Variants in PACSIN2 observed in about 807,000 individuals in gnomAD.
PACSIN2 encodes protein kinase C and casein kinase substrate in neurons 2.
A neutral mutation model predicts 63.8 loss-of-function variants in PACSIN2; 25 were observed. The observed-to-expected ratio is 0.39, with a 90% CI of 0.29 to 0.55. The LOEUF (loss-of-function observed/expected upper bound fraction) is 0.55, where lower values mean the gene tolerates loss of function less well. Ranked by LOEUF, PACSIN2 falls within the 20% of genes least tolerant of loss-of-function variation. The pLI, the probability that PACSIN2 is intolerant of heterozygous loss-of-function variation, is 0.62. For missense variants in PACSIN2, 518 were observed against 646.9 expected, an observed-to-expected ratio of 0.80 and a Z score of 2.16; for synonymous variants, 255 against 256.2, an observed-to-expected ratio of 1.00 and a Z score of 0.05.
At chr22:42,939,136 G>T (rs956689618) in intron 1 of PACSIN2, among the ~76,000 whole-genome samples, 3 of 152,182 alleles carry the variant, frequency 2.0e-5, no homozygotes, top group Non-Finnish European at 4.4e-5. Context: ...ATGAAGAGCT[G>T]GAGCTAACAG....
intron 2 of PACSIN2, among the ~76,000 whole-genome samples, chr22:42,900,568 G>A (rs1038868177): frequency 6.6e-6 from 1 of 152,172 alleles, no homozygotes; most frequent in Non-Finnish European, 1.5e-5. Context: ...CAACCTTCCC[G>A]TCCGAAGTGA....
At chr22:42,965,594 T>C (rs934135406) in intron 1 of PACSIN2, among the ~76,000 whole-genome samples, 7 of 152,168 alleles carry the variant, frequency 4.6e-5, no homozygotes, top group African/African-American at 1.7e-4. Flanking sequence ...ATTCAAAAGA[T>C]TAAAGTAAGT....
At chr22:42,901,595 C>CTA (rs1930690118) in intron 2 of PACSIN2, among the ~76,000 whole-genome samples, 1 of 152,190 alleles carries the variant, frequency 6.6e-6, no homozygotes, top group Admixed American at 6.5e-5. Flanking sequence ...CCTGTGAGGA[C>CTA]CAAATGGCCC....
At chr22:42,875,165 T>C (rs2007395) in intron 10 of PACSIN2, among the ~76,000 whole-genome samples, 64,829 of 150,816 alleles carry the variant, frequency 0.43, 14,455 homozygotes, top group Non-Finnish European at 0.48. Context: ...TTTTTTTTTT[T>C]TAAGAGATGG....
At chr22:42,948,215 G>A (rs762507237) in intron 1 of PACSIN2, among the ~76,000 whole-genome samples, 10 of 152,190 alleles carry the variant, frequency 6.6e-5, no homozygotes, top group Non-Finnish European at 1.3e-4. Context: ...GGCTGTGAAG[G>A]AGGGGAGAGG....
At chr22:42,905,213 T>G (rs971799165) in intron 2 of PACSIN2, among the ~76,000 whole-genome samples, 2 of 152,334 alleles carry the variant, frequency 1.3e-5, no homozygotes. Context: ...TTCTCTGCAT[T>G]CAGAATGATG....
rs770314133 is a variant in PACSIN2, at chr22:42,876,905, G to C, written c.1134C>G (p.Asp378Glu). The change falls in exon 9 of 11, where the codon GAC becomes GAG. Residue 378 changes from aspartate to glutamate, a missense_variant. Asp to Glu is a conservative substitution (Grantham distance 45). Transcript: ENST00000263246. ...TCACCAACTTTTTGGCCTTAGTGTC[G>C]TCCTTCTCACTGACGGTGCTGCCCG... ...DDTGSTVSEK[D>E]DTKAKNVSSY... 2 of 1,614,176 alleles carry C rather than the reference G, an allele frequency of 1.2e-6. No homozygotes were observed. Among genetic ancestry groups the C allele is most frequent in the African/African-American group, 2.7e-5 (2 of 75,040 alleles).
At chr22:42,884,181 C>T (rs1327073737) in intron 6 of PACSIN2, among the ~76,000 whole-genome samples, 1 of 152,162 alleles carries the variant, frequency 6.6e-6, no homozygotes, top group Non-Finnish European at 1.5e-5. Flanking sequence ...GAGGTCCAGC[C>T]GGCCATGCCT....
At chr22:42,974,181 T>C (rs1256059879) in intron 1 of PACSIN2, among the ~76,000 whole-genome samples, 1 of 152,204 alleles carries the variant, frequency 6.6e-6, no homozygotes, top group African/African-American at 2.4e-5. Context: ...ATGTCGACTC[T>C]GCTTCCGGTT....
At chr22:42,899,232 G>C (rs1264881123) in intron 2 of PACSIN2, among the ~76,000 whole-genome samples, 2 of 152,142 alleles carry the variant, frequency 1.3e-5, no homozygotes, top group Non-Finnish European at 2.9e-5. Context: ...ATGACCAGAA[G>C]AAAATGAACG....
At chr22:42,985,480 T>G (rs959930907) in intron 1 of PACSIN2, among the ~76,000 whole-genome samples, 4 of 152,158 alleles carry the variant, frequency 2.6e-5, no homozygotes, top group African/African-American at 9.7e-5. Flanking sequence ...GCCTCACTTC[T>G]CTCCACATGC....
chr22:42,948,965 C>G (rs1194131891), intron 1 of PACSIN2, among the ~76,000 whole-genome samples: 1 of 152,110 alleles, frequency 6.6e-6, no homozygotes, highest in Admixed American at 6.5e-5. Flanking sequence ...AGGCTTAAAT[C>G]AAGCATAAAA....
At chr22:42,999,598 G>A (rs1181769978) in intron 1 of PACSIN2, among the ~76,000 whole-genome samples, 4 of 152,164 alleles carry the variant, frequency 2.6e-5, no homozygotes, top group South Asian at 2.1e-4. Context: ...AACCCGGGAC[G>A]CGGAGGTTGC....
At chr22:42,929,781 C>T (rs926930505) in intron 1 of PACSIN2, among the ~76,000 whole-genome samples, 2 of 152,226 alleles carry the variant, frequency 1.3e-5, no homozygotes, top group African/African-American at 4.8e-5. Context: ...CCTCCCTTCA[C>T]AGTATCCTTC....
intron 1 of PACSIN2, among the ~76,000 whole-genome samples, chr22:42,973,115 A>C (rs902017261): frequency 1.3e-5 from 2 of 152,240 alleles, no homozygotes; most frequent in Admixed American, 1.3e-4. Context: ...CATGACCGTC[A>C]GCTCAAACAA....
intron 10 of PACSIN2, among the ~76,000 whole-genome samples, chr22:42,874,551 A>C (rs1928437603): frequency 6.6e-6 from 1 of 152,128 alleles, no homozygotes. Context: ...ACAAGGCCCC[A>C]CCTGGCCCAG....
intron 1 of PACSIN2, among the ~76,000 whole-genome samples, chr22:42,965,828 A>G (rs1920948815): frequency 6.6e-6 from 1 of 152,264 alleles, no homozygotes; most frequent in Non-Finnish European, 1.5e-5. Flanking sequence ...ACAGTAAACC[A>G]GTAAAATTTA....
In PACSIN2 at chr22:42,917,888, T is replaced by C. The variant is rs535518561; in HGVS notation, c.-77-5731A>G. On this transcript the variant is annotated intron_variant, in intron 1 of 10. Transcript: ENST00000263246. ...GATCCTCCTGCCTCAGCCTCCCAAG[T>C]AGCTAGGACTACAGAGTGTGTGCCA... Among the ~76,000 whole-genome samples the C allele has an allele frequency of 3.9e-5, 6 of 152,248 alleles. No homozygotes were observed. In the South Asian group the frequency reaches 1.2e-3, roughly 32 times the overall value.
At chr22:43,014,365 C>CACACA (rs1227376539) in intron 1 of PACSIN2, among the ~76,000 whole-genome samples, 17 of 9,388 alleles carry the variant, frequency 1.8e-3, no homozygotes, top group African/African-American at 7.3e-3. Flanking sequence ...CACACACACA[C>CACACA]CACCCCCCCC....
Sources: allele counts gnomAD v4.1 joint callset (sites outside exome capture counted in the v4.1 genomes callset), GRCh38; gene constraint gnomAD v4.1.1; transcripts MANE v1.5; gene names NCBI Gene and HGNC (gene_info 2026-07-23, HGNC 2026-07-21).